UQCR10: variants seen among roughly 807,000 people sequenced by gnomAD.
The protein encoded by UQCR10 is cytochrome b-c1 complex subunit 9.
Under a neutral mutation model 6.0 loss-of-function variants are expected in UQCR10, and 5 were observed. The observed-to-expected ratio is 0.83, with a 90% confidence interval of 0.43 to 1.74. UQCR10 has a LOEUF of 1.74. Ranked by LOEUF, UQCR10 falls within the 40% of genes most tolerant of loss-of-function variation. The pLI, the probability that UQCR10 is intolerant of heterozygous loss-of-function variation, is 0.02. For synonymous variants in UQCR10, 40 were observed against 37.4 expected, an observed-to-expected ratio of 1.07 and a Z score of -0.26; for missense variants, 101 against 85.1, an observed-to-expected ratio of 1.19 and a Z score of -0.74.
chr22:29,769,353 T>G (rs374097545), intron 1 of UQCR10, among the ~76,000 whole-genome samples: 10 of 152,066 alleles, frequency 6.6e-5, no homozygotes, highest in African/African-American at 2.2e-4. Flanking sequence ...AATACAAAAA[T>G]TAGCCGGGTA....
At chr22:29,769,083 A>G (rs1195556161) in intron 1 of UQCR10, among the ~76,000 whole-genome samples, 1 of 152,170 alleles carries the variant, frequency 6.6e-6, no homozygotes, top group African/African-American at 2.4e-5. Flanking sequence ...GTTTTCCTTA[A>G]TAATTGTGTG....
Position 29,770,308 on chromosome 22 carries a change from G to T in UQCR10, c.*589G>T, listed in dbSNP as rs550825091. ...TTCCCTGGGCCATGTTGGAAGAATT[G>T]TCTTGGGCCACACATAAAATACAGT... On this transcript the variant is annotated 3_prime_UTR_variant, in exon 2 of 2. Coordinates refer to ENST00000330029, the MANE Select transcript of UQCR10 (RefSeq NM_013387.4). The T allele has an allele frequency of 1.4e-4, 32 of 223,446 alleles. No individual in the cohort carries two copies. Among genetic ancestry groups the T allele is most frequent in the African/African-American group, 6.5e-4 (29 of 44,598 alleles). The allele number at this position is 223,446 out of a possible 1,614,324, so 13.8% of individuals were successfully genotyped here. A position where few individuals can be genotyped will look rare whatever the true frequency, so the allele number is the denominator to read the frequency against.
chr22:29,767,553 G>C lies in UQCR10; in HGVS notation c.150+5G>C, dbSNP rs372992419. ...TACGACCACATCAACGAGGGGGTGAGGGCCTGTGCCATCCCTGACCTTGGA... is the reference window on the plus strand; with the variant it reads ...TACGACCACATCAACGAGGGGGTGACGGCCTGTGCCATCCCTGACCTTGGA... On this transcript the variant is annotated splice_donor_5th_base_variant and intron_variant, in intron 1 of 1. Coordinates refer to ENST00000330029, the MANE Select transcript of UQCR10 (RefSeq NM_013387.4). 12 of 1,446,444 alleles carry C rather than the reference G, an allele frequency of 8.3e-6. No individual in the cohort carries two copies. Among genetic ancestry groups the C allele is most frequent in the African/African-American group, 1.4e-5 (1 of 72,098 alleles). 89.6% of individuals were successfully genotyped at this position (1,446,444 alleles called of 1,614,324 possible).
rs2068249616 is a variant in UQCR10, at chr22:29,769,685, G to A, written c.158G>A (p.Trp53Ter). ...CTTGTCTTTAAAATGCAGAAGCTGT[G>A]GAAACACATCAAGCACAAGTATGAG... is the stretch of plus-strand genomic sequence containing the variant. Reference protein sequence around the residue: ...IYDHINEGKLWKHIKHKYENK With the variant: ...IYDHINEGKL The change falls in exon 2 of 2, where the codon TGG becomes TAG. Residue 53 changes from tryptophan to a stop codon, truncating the protein, a stop_gained. Coordinates refer to ENST00000330029, the MANE Select transcript of UQCR10 (RefSeq NM_013387.4). LOFTEE classifies it high-confidence loss of function. 1 of 1,609,340 alleles carries A rather than the reference G, an allele frequency of 6.2e-7. No homozygotes were observed. Among genetic ancestry groups the A allele is most frequent in the Non-Finnish European group, 8.5e-7 (1 of 1,177,994 alleles).
chr22:29,767,642 G>T lies in UQCR10; in HGVS notation c.150+94G>T, dbSNP rs370069820. ...GACTCAGTATACTTTTACCAGGAAG[G>T]GGGTAAGGGGTAAACCGTCGGCGTC... On this transcript the variant is annotated intron_variant, in intron 1 of 1. Transcript: ENST00000330029. The T allele has an allele frequency of 2.9e-4, 441 of 1,499,060 alleles. 2 individuals are homozygous for T. Among genetic ancestry groups the T allele is most frequent in the South Asian group, 1.5e-3 (116 of 76,230 alleles). 92.9% of individuals were successfully genotyped at this position (1,499,060 alleles called of 1,614,324 possible).
rs1247734453 is a variant in UQCR10 at position 29,767,564 on chromosome 22, A to G, written c.150+16A>G. Reference sequence around the variant, plus strand: ...CAACGAGGGGGTGAGGGCCTGTGCCATCCCTGACCTTGGACCCGCCTGAGG... The same window carrying G: ...CAACGAGGGGGTGAGGGCCTGTGCCGTCCCTGACCTTGGACCCGCCTGAGG... On this transcript the variant is annotated intron_variant, in intron 1 of 1. Coordinates refer to ENST00000330029, the MANE Select transcript of UQCR10 (RefSeq NM_013387.4). 1.9e-6 allele frequency: 3 copies of G among 1,611,242 alleles called. No individual in the cohort carries two copies. The highest frequency in any genetic ancestry group is 3.3e-5 in the Admixed American group (2 of 59,902).
At chr22:29,767,613 A>G in intron 1 of UQCR10, 65 bp downstream of exon 1, 1 of 1,543,752 alleles carries the variant, frequency 6.5e-7, no homozygotes, top group Non-Finnish European at 8.8e-7. Context: ...TAGAGGTGGG[A>G]TGGGACTCAG....
chr22:29,769,134 G>A (rs1351918178), intron 1 of UQCR10, among the ~76,000 whole-genome samples: 1 of 152,152 alleles, frequency 6.6e-6, no homozygotes, highest in Non-Finnish European at 1.5e-5. Flanking sequence ...AATTTCCTGT[G>A]AAATTAAGAT....
intron 1 of UQCR10, among the ~76,000 whole-genome samples, chr22:29,769,138 T>C (rs576898868): frequency 1.3e-5 from 2 of 152,162 alleles, no homozygotes; most frequent in African/African-American, 4.8e-5. Context: ...TCCTGTGAAA[T>C]TAAGATCACC....
chr22:29,770,109 G>T lies in UQCR10; in HGVS notation c.*390G>T. ...TCTGGTTTTCAAAACAGGAGCCAGA[G>T]TTGGAGATATTACAGTCAACTTTGG... On this transcript the variant is annotated 3_prime_UTR_variant, in exon 2 of 2. Coordinates refer to ENST00000330029, the MANE Select transcript of UQCR10 (RefSeq NM_013387.4). 1 of 373,414 alleles carries T rather than the reference G, an allele frequency of 2.7e-6. No homozygotes were observed. Among genetic ancestry groups the T allele is most frequent in the Non-Finnish European group, 5.2e-6 (1 of 190,622 alleles). 23.1% of individuals were successfully genotyped at this position (373,414 alleles called of 1,614,324 possible).
chr22:29,769,980 C>A lies in UQCR10; in HGVS notation c.*261C>A. 1 of 634,858 alleles carries A rather than the reference C, an allele frequency of 1.6e-6. No individual in the cohort carries two copies. The highest frequency in any genetic ancestry group is 2.9e-6 in the Non-Finnish European group (1 of 341,326). The allele number at this position is 634,858 out of a possible 1,614,324, so 39.3% of individuals were successfully genotyped here. On this transcript the variant is annotated 3_prime_UTR_variant, in exon 2 of 2. Coordinates refer to ENST00000330029, the MANE Select transcript of UQCR10 (RefSeq NM_013387.4). Reference sequence around the variant, plus strand: ...TACATTGGTTGCTTTGTTAACTCTACCTGATCTTCACTTGTCAGTAATTTG... The same window carrying A: ...TACATTGGTTGCTTTGTTAACTCTAACTGATCTTCACTTGTCAGTAATTTG...
intron 1 of UQCR10, among the ~76,000 whole-genome samples, chr22:29,768,539 C>T (rs1258062595): frequency 1.3e-5 from 2 of 152,188 alleles, no homozygotes; most frequent in African/African-American, 2.4e-5. Context: ...CCATCTCTTG[C>T]AAGTGGTTCT....
In UQCR10 at chr22:29,770,265, G is replaced by C. The variant is rs1306352019; in HGVS notation, c.*546G>C. On this transcript the variant is annotated 3_prime_UTR_variant, in exon 2 of 2. Coordinates refer to ENST00000330029, the MANE Select transcript of UQCR10 (RefSeq NM_013387.4). ...TCCCCACCCTAGGGTATAGTTCAGG[G>C]GTATCCAATCCTTTGGCTTCCCTGG... is the stretch of plus-strand genomic sequence containing the variant. 7.3e-6 allele frequency: 2 copies of C among 274,496 alleles called. No homozygotes were observed. Among genetic ancestry groups the C allele is most frequent in the Non-Finnish European group, 1.5e-5 (2 of 137,584 alleles). 17.0% of individuals were successfully genotyped at this position (274,496 alleles called of 1,614,324 possible). A position where few individuals can be genotyped will look rare whatever the true frequency, so the allele number is the denominator to read the frequency against.
At position 29,769,981 on chromosome 22, in the gene UQCR10, C is replaced by CTGA; in HGVS notation, c.*264_*266dup. ...ACATTGGTTGCTTTGTTAACTCTAC[C>CTGA]TGATCTTCACTTGTCAGTAATTTGA... is the stretch of plus-strand genomic sequence containing the variant. On this transcript the variant is annotated 3_prime_UTR_variant, in exon 2 of 2. Coordinates refer to ENST00000330029, the MANE Select transcript of UQCR10 (RefSeq NM_013387.4). 1.6e-6 allele frequency: 1 copy of CTGA among 631,566 alleles called. No individual in the cohort carries two copies. The highest frequency in any genetic ancestry group is 3.2e-5 in the East Asian group (1 of 31,472). 39.1% of individuals were successfully genotyped at this position (631,566 alleles called of 1,614,324 possible). A position where few individuals can be genotyped will look rare whatever the true frequency, so the allele number is the denominator to read the frequency against.
At chr22:29,768,449 C>T (rs988044453) in intron 1 of UQCR10, among the ~76,000 whole-genome samples, 7 of 152,120 alleles carry the variant, frequency 4.6e-5, no homozygotes, top group Non-Finnish European at 7.4e-5. Context: ...CTCTGCAGCC[C>T]GGGAAGGCAC....
rs1316728596 is a variant in UQCR10, at chr22:29,769,898, G to A, written c.*179G>A. The A allele has an allele frequency of 1.3e-6, 1 of 764,600 alleles. No homozygotes were observed. The highest frequency in any genetic ancestry group is 2.3e-6 in the Non-Finnish European group (1 of 437,280). 47.4% of individuals were successfully genotyped at this position (764,600 alleles called of 1,614,324 possible). ...CTCTTTACCTTCTGCTGTGTTTGAA[G>A]TATGTTTAGTCAGCATGCTCAGGAA... On this transcript the variant is annotated 3_prime_UTR_variant, in exon 2 of 2. Transcript: ENST00000330029.
Position 29,770,029 on chromosome 22 carries a change from A to G in UQCR10, c.*310A>G. On this transcript the variant is annotated 3_prime_UTR_variant, in exon 2 of 2. Transcript: ENST00000330029. ...TGAGACCACTTCAAAGCCCTCTGCA[A>G]ACACCCCAAAGGCAGAATCTGCTAT... 1 of 530,806 alleles carries G rather than the reference A, an allele frequency of 1.9e-6. No homozygotes were observed. Among genetic ancestry groups the G allele is most frequent in the Non-Finnish European group, 3.6e-6 (1 of 279,438 alleles). The allele number at this position is 530,806 out of a possible 1,614,324, so 32.9% of individuals were successfully genotyped here. A position where few individuals can be genotyped will look rare whatever the true frequency, so the allele number is the denominator to read the frequency against.
Position 29,769,823 on chromosome 22 carries a change from A to G in UQCR10, c.*104A>G, listed in dbSNP as rs1321738143. 4.6e-6 allele frequency: 6 copies of G among 1,298,632 alleles called. No homozygotes were observed. The highest frequency in any genetic ancestry group is 2.5e-5 in the East Asian group (1 of 39,724). The allele number at this position is 1,298,632 out of a possible 1,614,324, so 80.4% of individuals were successfully genotyped here. ...GAAGATGATGCTCAAGGTACTCTTC[A>G]TGGACCACCATTCGCTGTTGGCAAG... On this transcript the variant is annotated 3_prime_UTR_variant, in exon 2 of 2. Coordinates refer to ENST00000330029, the MANE Select transcript of UQCR10 (RefSeq NM_013387.4).
Position 29,767,457 on chromosome 22 carries a change from C to T in UQCR10, c.59C>T (p.Thr20Ile), listed in dbSNP as rs2068229122. Residue 20 changes from threonine (T) to isoleucine (I), a missense_variant, in exon 1 of 2, where the codon ACC becomes ATC. Physicochemically the swap from Thr to Ile is moderately conservative, Grantham distance 89. Transcript: ENST00000330029. ...TCCCTGCTGTTCCGCAGGACCTCCA[C>T]CTTCGCCCTCACCATCATCGTGGGC... ...LYSLLFRRTSTFALTIIVGVM... is the reference protein window; with the variant it reads ...LYSLLFRRTSIFALTIIVGVM... 6.2e-7 allele frequency: 1 copy of T among 1,614,044 alleles called. No individual in the cohort carries two copies. Among genetic ancestry groups the T allele is most frequent in the Non-Finnish European group, 8.5e-7 (1 of 1,179,880 alleles).
Sources: gnomAD v4.1 joint callset for allele counts (sites outside exome capture counted in the v4.1 genomes callset) on GRCh38, gnomAD v4.1.1 for gene constraint, MANE v1.5 for transcripts, NCBI Gene and HGNC (gene_info 2026-07-23, HGNC 2026-07-21) for gene names.